The following FSHR variants were observed in gnomAD, a reference collection of about 807,000 sequenced individuals.
The protein encoded by FSHR is follicle-stimulating hormone receptor.
A neutral mutation model predicts 52.1 loss-of-function variants in FSHR; 46 were observed. The ratio of observed to expected loss-of-function variants is 0.88; its 90% CI spans 0.70 to 1.13. FSHR has a LOEUF of 1.13. Ranked by LOEUF, FSHR falls within the 50% of genes most tolerant of loss-of-function variation. FSHR has a pLI of 0.00. For synonymous variants in FSHR, 399 were observed against 309.6 expected, an observed-to-expected ratio of 1.29 and a Z score of -3.03; for missense variants, 964 against 834.6, an observed-to-expected ratio of 1.16 and a Z score of -1.91.
At chr2:49,024,918 C>G (rs534127796) in intron 2 of FSHR, among the ~76,000 whole-genome samples, 3 of 152,188 alleles carry the variant, frequency 2.0e-5, no homozygotes, top group African/African-American at 7.2e-5. Flanking sequence ...CTGCCCCTTG[C>G]ATATTGCATT....
chr2:49,081,507 G>A (rs576993091), intron 1 of FSHR, among the ~76,000 whole-genome samples: 2 of 152,076 alleles, frequency 1.3e-5, no homozygotes, highest in Non-Finnish European at 2.9e-5. Context: ...CATATCCCAA[G>A]CATCATTTAT....
At chr2:49,015,645 T>C (rs1006358839) in intron 4 of FSHR, among the ~76,000 whole-genome samples, 2 of 152,150 alleles carry the variant, frequency 1.3e-5, no homozygotes, top group Non-Finnish European at 2.9e-5. Context: ...GTTATGTGCC[T>C]AGGCATGTTA....
At chr2:49,080,103 G>A (rs1264695193) in intron 1 of FSHR, among the ~76,000 whole-genome samples, 2 of 152,104 alleles carry the variant, frequency 1.3e-5, no homozygotes, top group African/African-American at 4.8e-5. Context: ...AAAAAAAGAA[G>A]ATGTTCATCT....
chr2:49,096,031 A>G (rs1470099109), intron 1 of FSHR, among the ~76,000 whole-genome samples: 1 of 152,188 alleles, frequency 6.6e-6, no homozygotes, highest in African/African-American at 2.4e-5. Flanking sequence ...ATGTAAATTA[A>G]TGTAGCTGCA....
rs1004806171 is a variant in FSHR at position 48,979,809 on chromosome 2, G to T, written c.668+3103C>A. Among the ~76,000 whole-genome samples the T allele has an allele frequency of 1.7e-4, 25 of 144,456 alleles. No homozygotes were observed. The East Asian group carries it at 2.0e-3, about 11-fold the overall frequency. 94.8% of individuals were successfully genotyped at this position (144,456 alleles called of 152,430 possible). A position where few individuals can be genotyped will look rare whatever the true frequency, so the allele number is the denominator to read the frequency against. ...CATGCAGATATATCACAGTCTTTGT[G>T]TGTGTGTGTGTGTGTGTGTGTGGGA... On this transcript the variant is annotated intron_variant, in intron 8 of 9. Coordinates refer to ENST00000406846, the MANE Select transcript of FSHR (RefSeq NM_000145.4).
chr2:48,979,993 G>C (rs993206779), intron 8 of FSHR, among the ~76,000 whole-genome samples: 9 of 152,296 alleles, frequency 5.9e-5, no homozygotes, highest in African/African-American at 2.2e-4. Context: ...CTCAGGCCAG[G>C]GTTTAGATGG....
chr2:49,088,653 A>T (rs1387503702), intron 1 of FSHR, among the ~76,000 whole-genome samples: 2 of 152,166 alleles, frequency 1.3e-5, no homozygotes, highest in Admixed American at 1.3e-4. Context: ...TGTGAATTTT[A>T]TTGACAATAT....
chr2:49,108,364 T>C (rs1172885771), intron 1 of FSHR, among the ~76,000 whole-genome samples: 1 of 152,172 alleles, frequency 6.6e-6, no homozygotes, highest in Non-Finnish European at 1.5e-5. Context: ...CCTATATGTA[T>C]ATTCTATTGC....
At chr2:49,048,080 T>A (rs936770076) in intron 2 of FSHR, among the ~76,000 whole-genome samples, 17 of 152,052 alleles carry the variant, frequency 1.1e-4, no homozygotes, top group Admixed American at 6.6e-4. Context: ...GAGATGGGCT[T>A]TCATCATGTT....
intron 1 of FSHR, among the ~76,000 whole-genome samples, chr2:49,078,823 G>C (rs947685456): frequency 6.6e-6 from 1 of 152,074 alleles, no homozygotes; most frequent in Non-Finnish European, 1.5e-5. Flanking sequence ...CAATGATGCT[G>C]TTACCTCCTC....
chr2:49,004,657 A>G (rs1214840195), intron 4 of FSHR, among the ~76,000 whole-genome samples: 1 of 152,152 alleles, frequency 6.6e-6, no homozygotes. Context: ...AGAAACTGAG[A>G]CCTGAAGAGA....
At position 49,042,820 on chromosome 2, in the gene FSHR, T is replaced by G. The variant is rs537424729; in HGVS notation, c.225-22660A>C. On this transcript the variant is annotated intron_variant, in intron 2 of 9. Coordinates refer to ENST00000406846, the MANE Select transcript of FSHR (RefSeq NM_000145.4). The stretch of plus-strand genomic sequence containing the variant: ...AGGCCTGAAGATGTGGCATATTTGG[T>G]TCAGTCAAACGTTTCCATTTTCATA... Among the ~76,000 whole-genome samples the G allele has an allele frequency of 9.5e-3, 1,449 of 152,286 alleles. 23 individuals are homozygous for G. Among genetic ancestry groups the G allele is most frequent in the African/African-American group, 0.033 (1,371 of 41,546 alleles).
chr2:48,990,567 G>A lies in FSHR; in HGVS notation c.445C>T (p.Leu149Phe), dbSNP rs745386710. The change falls in exon 5 of 10, where the codon CTT becomes TTT. Residue 149 changes from leucine to phenylalanine, a missense_variant and splice_region_variant. Physicochemically the swap from Leu to Phe is conservative, Grantham distance 22. Transcript: ENST00000406846. ...HKIHSLQKVL[L>F]DIQDNINIHT... Reference sequence around the variant, plus strand: ...TAGTCACTCAAGGAAAAAACTTACAGTAAAACTTTTTGGAGAGAATGAATC... The same window carrying A: ...TAGTCACTCAAGGAAAAAACTTACAATAAAACTTTTTGGAGAGAATGAATC... 1.2e-6 allele frequency: 2 copies of A among 1,603,524 alleles called. No homozygotes were observed. Among genetic ancestry groups the A allele is most frequent in the South Asian group, 2.2e-5 (2 of 90,868 alleles).
At chr2:49,122,941 C>A (rs1311192140) in intron 1 of FSHR, among the ~76,000 whole-genome samples, 4 of 152,114 alleles carry the variant, frequency 2.6e-5, no homozygotes, top group Non-Finnish European at 5.9e-5. Context: ...AGTCTATCTG[C>A]CTAGCCCTCT....
chr2:49,040,122 C>T (rs964595441), intron 2 of FSHR, among the ~76,000 whole-genome samples: 1 of 152,146 alleles, frequency 6.6e-6, no homozygotes, highest in African/African-American at 2.4e-5. Context: ...TGTGAAACAA[C>T]GTATATACTG....
At chr2:49,028,351 T>G (rs1486033237) in intron 2 of FSHR, among the ~76,000 whole-genome samples, 1 of 152,220 alleles carries the variant, frequency 6.6e-6, no homozygotes, top group African/African-American at 2.4e-5. Context: ...ATATTTGTCT[T>G]GGTTGACACA....
In FSHR at chr2:49,090,124, A is replaced by AGTGT. The variant is rs35574043; in HGVS notation, c.153-21838_153-21835dup. On this transcript the variant is annotated intron_variant, in intron 1 of 9. Coordinates refer to ENST00000406846, the MANE Select transcript of FSHR (RefSeq NM_000145.4). ...TTTTAACTAACATACAGTAAAATCG[A>AGTGT]GTGTGTGTGTGTGTGTGTGTGTGTG... 6.8e-3 allele frequency among the ~76,000 whole-genome samples: 1,014 copies of AGTGT among 148,876 alleles called. 7 individuals carry two copies. The highest frequency in any genetic ancestry group is 0.017 in the African/African-American group (679 of 40,662).
At position 49,111,724 on chromosome 2, in the gene FSHR, A is replaced by G. The variant is rs191147646; in HGVS notation, c.152+42542T>C. 2.5e-3 allele frequency among the ~76,000 whole-genome samples: 384 copies of G among 152,236 alleles called. 2 individuals are homozygous for G. Among genetic ancestry groups the G allele is most frequent in the African/African-American group, 8.7e-3 (363 of 41,550 alleles). ...CACGGCTCCTCAGCAAGTGTCTATT[A>G]TGAGTTTTCACAGAAGGCTCTGGGA... On this transcript the variant is annotated intron_variant, in intron 1 of 9. Transcript: ENST00000406846.
intron 2 of FSHR, among the ~76,000 whole-genome samples, chr2:49,064,781 T>C (rs1669442707): frequency 6.6e-6 from 1 of 152,154 alleles, no homozygotes; most frequent in African/African-American, 2.4e-5. Context: ...TGAGAAACTG[T>C]AAATTCTGAG....
Sources: gnomAD v4.1 joint callset for allele counts (sites outside exome capture counted in the v4.1 genomes callset) on GRCh38, gnomAD v4.1.1 for gene constraint, MANE v1.5 for transcripts, NCBI Gene and HGNC (gene_info 2026-07-23, HGNC 2026-07-21) for gene names.